The following PAPOLA variants were observed in gnomAD, a reference collection of about 807,000 sequenced individuals.
The protein encoded by PAPOLA is polynucleotide adenylyltransferase alpha.
A neutral mutation model predicts 100.6 loss-of-function variants in PAPOLA; 15 were observed. The observed-to-expected ratio is 0.15, with a 90% CI of 0.10 to 0.23. The LOEUF is 0.23. Among genes scored for constraint, PAPOLA ranks in the 10% least tolerant of loss-of-function variants. The pLI is 1.00. For missense variants in PAPOLA, 533 were observed against 884.2 expected (o/e 0.60, Z 5.04); for synonymous variants, 293 against 300.0 (o/e 0.98, Z 0.24).
At chr14:96,558,602 A>C (rs746883904) in intron 19 of PAPOLA, among the ~76,000 whole-genome samples, 3 of 152,204 alleles carry the variant, frequency 2.0e-5, no homozygotes, top group Non-Finnish European at 4.4e-5. Flanking sequence ...AAAAATACAT[A>C]TAAAAGAGTC....
chr14:96,558,332 T>C (rs563685691), intron 19 of PAPOLA, among the ~76,000 whole-genome samples: 2 of 152,212 alleles, frequency 1.3e-5, no homozygotes, highest in Admixed American at 6.5e-5. Context: ...CTACTGATAC[T>C]GGTTTGAAGT....
intron 2 of PAPOLA, 155 bp from the exon 3 acceptor site, chr14:96,520,851 C>CGAGA (rs903398664): frequency 1.8e-6 from 1 of 547,486 alleles, no homozygotes; most frequent in Non-Finnish European, 3.4e-6. Context: ...AGAGAGAAAG[C>CGAGA]GAGAGAGAGA....
chr14:96,539,328 C>T (rs1033480716), intron 12 of PAPOLA, among the ~76,000 whole-genome samples: 10 of 152,026 alleles, frequency 6.6e-5, no homozygotes, highest in African/African-American at 1.2e-4. Context: ...TCTTGAATTA[C>T]GTAAACATAG....
intron 12 of PAPOLA, chr14:96,537,545 T>C (rs1268554938): frequency 6.4e-6 from 1 of 155,110 alleles, no homozygotes; most frequent in Admixed American, 6.3e-5. Flanking sequence ...TCCCCCAATG[T>C]TATAGCCCCT....
chr14:96,510,322 C>G (rs775992145), intron 1 of PAPOLA, among the ~76,000 whole-genome samples: 19 of 151,952 alleles, frequency 1.3e-4, no homozygotes, highest in Admixed American at 2.0e-4. Flanking sequence ...CACACTCTTT[C>G]GTACTTTTTC....
chr14:96,507,370 C>G (rs1241613843), intron 1 of PAPOLA, among the ~76,000 whole-genome samples: 4 of 137,714 alleles, frequency 2.9e-5, no homozygotes, highest in Admixed American at 2.4e-4. Context: ...TCACTGCAAG[C>G]TCCGTCTTCC....
chr14:96,529,700 C>T (rs772764711), intron 6 of PAPOLA, among the ~76,000 whole-genome samples: 4 of 151,570 alleles, frequency 2.6e-5, no homozygotes, highest in Non-Finnish European at 4.4e-5. Flanking sequence ...CCAGCCTGGG[C>T]GACAGAGCAA....
intron 1 of PAPOLA, among the ~76,000 whole-genome samples, chr14:96,514,266 C>T (rs188762402): frequency 2.0e-5 from 3 of 151,848 alleles, no homozygotes; most frequent in South Asian, 2.1e-4. Flanking sequence ...TTCCACCTCC[C>T]GGGTTCACGC....
intron 1 of PAPOLA, chr14:96,502,875 A>G (rs1162056524): frequency 2.4e-6 from 1 of 410,464 alleles, no homozygotes; most frequent in South Asian, 7.1e-5. Context: ...CGGAACCTCT[A>G]ACTCGCCCGG....
chr14:96,510,457 G>A (rs1456275481), intron 1 of PAPOLA, among the ~76,000 whole-genome samples: 1 of 138,584 alleles, frequency 7.2e-6, no homozygotes, highest in Non-Finnish European at 1.6e-5. Flanking sequence ...AGCCATATGA[G>A]AGAGAGGGAC....
intron 1 of PAPOLA, among the ~76,000 whole-genome samples, chr14:96,508,664 G>A (rs1260066762): frequency 6.6e-6 from 1 of 152,120 alleles, no homozygotes; most frequent in Non-Finnish European, 1.5e-5. Context: ...TTTTATCTAG[G>A]CAAGTTTATA....
intron 11 of PAPOLA, 113 bp downstream of exon 11, chr14:96,536,112 T>C (rs1899503472): frequency 1.3e-6 from 1 of 754,884 alleles, no homozygotes; most frequent in Non-Finnish European, 1.9e-6. Flanking sequence ...AAGTGGATTT[T>C]GGTGTTCATT....
In PAPOLA at chr14:96,547,825, G is replaced by A. The variant is rs1900509517; in HGVS notation, c.1428G>A (p.Met476Ile). ...ATAGGCAAGCAATAAACAGCAAGAT[G>A]TTTGAGGTGGATATGAAAATTGCTG... is the stretch of plus-strand genomic sequence containing the variant. ...TVYRQAINSKMFEVDMKIAAM... is the reference protein window; with the variant it reads ...TVYRQAINSKIFEVDMKIAAM... The change falls in exon 16 of 22, where the codon ATG becomes ATA. Residue 476 changes from methionine to isoleucine, a missense_variant. Met to Ile is a conservative substitution (Grantham distance 10). Transcript: ENST00000216277. 3 of 1,607,460 alleles carry A rather than the reference G, an allele frequency of 1.9e-6. No homozygotes were observed. Among genetic ancestry groups the A allele is most frequent in the Non-Finnish European group, 2.6e-6 (3 of 1,176,064 alleles).
chr14:96,502,559 G>C lies in PAPOLA; in HGVS notation c.-34G>C, dbSNP rs1177880344. On this transcript the variant is annotated 5_prime_UTR_variant, in exon 1 of 22. Transcript: ENST00000216277. ...GGCGGCAGCGGCGGCGGTTGCGGGG[G>C]GGAAGTGACTGGGCGGTGCCGGCGC... The C allele has an allele frequency of 1.3e-6, 2 of 1,535,968 alleles. No homozygotes were observed. Among genetic ancestry groups the C allele is most frequent in the Non-Finnish European group, 1.8e-6 (2 of 1,136,724 alleles).
intron 12 of PAPOLA, chr14:96,541,914 A>G (rs1435668793): frequency 1.1e-5 from 2 of 174,346 alleles, no homozygotes; most frequent in Non-Finnish European, 2.4e-5. Flanking sequence ...AGTAGATTAT[A>G]TTTTAGTGAA....
chr14:96,503,122 C>G (rs1421378348), intron 1 of PAPOLA, among the ~76,000 whole-genome samples: 1 of 152,198 alleles, frequency 6.6e-6, no homozygotes, highest in Non-Finnish European at 1.5e-5. Context: ...CGGAGTTAGC[C>G]CCTTTCCACT....
At chr14:96,550,860 C>T (rs983248332) in intron 16 of PAPOLA, among the ~76,000 whole-genome samples, 2 of 152,144 alleles carry the variant, frequency 1.3e-5, no homozygotes, top group Non-Finnish European at 2.9e-5. Context: ...TAAATAGCTT[C>T]CTTTTATTAA....
chr14:96,533,786 C>G, intron 9 of PAPOLA: 1 of 536,880 alleles, frequency 1.9e-6, no homozygotes, highest in East Asian at 1.5e-4. Flanking sequence ...ATCTCCTGAC[C>G]TCATAATCCG....
rs776117705 is a variant in PAPOLA, at chr14:96,516,813, G to T, written c.9-3242G>T. 6.0e-4 allele frequency among the ~76,000 whole-genome samples: 91 copies of T among 152,192 alleles called. 1 individual carries two copies. Among genetic ancestry groups the T allele is most frequent in the Middle Eastern group, 6.8e-3 (2 of 294 alleles). On this transcript the variant is annotated intron_variant, in intron 1 of 21. Transcript: ENST00000216277. ...GTGTAATCAATATTTTTTCAAATTAGGCTGAACAAGTCTTGTGCGCGTTTA... is the reference window on the plus strand; with the variant it reads ...GTGTAATCAATATTTTTTCAAATTATGCTGAACAAGTCTTGTGCGCGTTTA...
Sources: gnomAD v4.1 joint callset for allele counts (sites outside exome capture counted in the v4.1 genomes callset) on GRCh38, gnomAD v4.1.1 for gene constraint, MANE v1.5 for transcripts, NCBI Gene and HGNC (gene_info 2026-07-23, HGNC 2026-07-21) for gene names.